SLC35F5: variants seen among roughly 807,000 people sequenced by gnomAD.
The protein encoded by SLC35F5 is HCV NS5A-transactivated protein 3.
In SLC35F5, 54 loss-of-function variants were observed where a neutral mutation model predicts 68.6. The observed-to-expected ratio is 0.79, with a 90% CI of 0.63 to 0.99. The LOEUF is 0.99. Ranked by LOEUF, SLC35F5 falls within the 50% of genes least tolerant of loss-of-function variation. The pLI is 0.00. For missense variants in SLC35F5, 567 were observed against 626.9 expected, an observed-to-expected ratio of 0.90 and a Z score of 1.02; for synonymous variants, 211 against 205.2, an observed-to-expected ratio of 1.03 and a Z score of -0.24.
At position 113,743,999 on chromosome 2, in the gene SLC35F5, T is replaced by C. The variant is rs531920674; in HGVS notation, c.481-205A>G. On this transcript the variant is annotated intron_variant, in intron 5 of 15. Coordinates refer to ENST00000245680, the MANE Select transcript of SLC35F5 (RefSeq NM_025181.5). ...GACAGAAAAGAATCAGTTTACAGTT[T>C]AGCAATGTAATGTAACAGCATTGGC... 20 of 390,708 alleles carry C rather than the reference T, an allele frequency of 5.1e-5. No individual in the cohort carries two copies. In the East Asian group the frequency reaches 7.4e-4, roughly 14 times the overall value. The allele number at this position is 390,708 out of a possible 1,614,324, so 24.2% of individuals were successfully genotyped here.
chr2:113,725,112 T>C, intron 12 of SLC35F5, among the ~76,000 whole-genome samples: 1 of 152,196 alleles, frequency 6.6e-6, no homozygotes, highest in East Asian at 1.9e-4. Flanking sequence ...TTCTAAAACA[T>C]TTTTACAGAT....
At chr2:113,726,603 CTCTG>C (rs1246678287) in intron 11 of SLC35F5, among the ~76,000 whole-genome samples, 1 of 152,304 alleles carries the variant, frequency 6.6e-6, no homozygotes, top group East Asian at 1.9e-4. Flanking sequence ...AGCACCCACT[CTCTG>C]TCTGATGCTA....
intron 5 of SLC35F5, among the ~76,000 whole-genome samples, chr2:113,744,419 TTAAACA>T (rs1241218810): frequency 6.6e-6 from 1 of 152,216 alleles, no homozygotes; most frequent in Non-Finnish European, 1.5e-5. Context: ...TCTAGAGCAG[TTAAACA>T]TATATTTCTC....
At chr2:113,719,905 T>C (rs951418425) in intron 13 of SLC35F5, among the ~76,000 whole-genome samples, 1 of 151,852 alleles carries the variant, frequency 6.6e-6, no homozygotes, top group African/African-American at 2.4e-5. Context: ...ATATTTTTAC[T>C]AAGGAATGTT....
At position 113,731,241 on chromosome 2, in the gene SLC35F5, T is replaced by A. The variant is rs1687873436; in HGVS notation, c.985+343A>T. On this transcript the variant is annotated intron_variant, in intron 10 of 15. Transcript: ENST00000245680. The stretch of plus-strand genomic sequence containing the variant: ...AAAGGAAACTAAGGAAACACGACAA[T>A]TAAATGCAATAAATGATCCTAGATC... 1.3e-5 allele frequency among the ~76,000 whole-genome samples: 2 copies of A among 151,988 alleles called. 1 individual carries two copies. Among genetic ancestry groups the A allele is most frequent in the South Asian group, 4.1e-4 (2 of 4,822 alleles).
Position 113,713,854 on chromosome 2 carries a change from G to A in SLC35F5, c.*1364C>T. ...TAGAAGTTCTCAGAATGAAACAAAA[G>A]GAAGGCTAAACTTCATTTTAGACTC... On this transcript the variant is annotated 3_prime_UTR_variant, in exon 16 of 16. Transcript: ENST00000245680. 1 of 151,126 alleles carries A rather than the reference G, an allele frequency of 6.6e-6. No individual in the cohort carries two copies. The highest frequency in any genetic ancestry group is 2.1e-4 in the South Asian group (1 of 4,800). 9.4% of individuals were successfully genotyped at this position (151,126 alleles called of 1,614,324 possible). A position where few individuals can be genotyped will look rare whatever the true frequency, so the allele number is the denominator to read the frequency against.
intron 7 of SLC35F5, among the ~76,000 whole-genome samples, chr2:113,736,898 A>G (rs181538127): frequency 2.1e-3 from 314 of 152,346 alleles, no homozygotes; most frequent in Non-Finnish European, 3.4e-3. Context: ...TCCAAAGTTC[A>G]GTAATTTTCA....
rs993483276 is a variant in SLC35F5 at position 113,712,312 on chromosome 2, A to G, written c.*2906T>C. On this transcript the variant is annotated 3_prime_UTR_variant, in exon 16 of 16. Coordinates refer to ENST00000245680, the MANE Select transcript of SLC35F5 (RefSeq NM_025181.5). Reference sequence around the variant, plus strand: ...CTAAGCTTCAAAAAGCATTCATTTCAAAAGTATTCACTTTTTTTTTTTTTG... The same window carrying G: ...CTAAGCTTCAAAAAGCATTCATTTCGAAAGTATTCACTTTTTTTTTTTTTG... Among the ~76,000 whole-genome samples, 8 of 143,894 alleles carry G rather than the reference A, an allele frequency of 5.6e-5. No individual in the cohort carries two copies. Among genetic ancestry groups the G allele is most frequent in the Admixed American group, 2.8e-4 (4 of 14,138 alleles). The allele number at this position is 143,894 out of a possible 152,430, so 94.4% of individuals were successfully genotyped here.
chr2:113,727,428 G>A (rs1390663785), intron 11 of SLC35F5, among the ~76,000 whole-genome samples: 1 of 152,124 alleles, frequency 6.6e-6, no homozygotes, highest in African/African-American at 2.4e-5. Context: ...TTACAAAGTT[G>A]TTTTAATGAA....
chr2:113,702,754 G>T (rs1686721462), downstream of SLC35F5, among the ~76,000 whole-genome samples: 1 of 152,002 alleles, frequency 6.6e-6, no homozygotes, highest in African/African-American at 2.4e-5. Flanking sequence ...TACTCATTGG[G>T]GAAGCAAAAT....
In SLC35F5 at chr2:113,708,773, C is replaced by A. The variant is rs1457611377; in HGVS notation, c.*6445G>T. On this transcript the variant is annotated 3_prime_UTR_variant, in exon 16 of 16. Coordinates refer to ENST00000245680, the MANE Select transcript of SLC35F5 (RefSeq NM_025181.5). ...TGCTATAGTAAATTAATCATACACT[C>A]AAAATTTTAGCTTGGATTTGTTTTG... is the stretch of plus-strand genomic sequence containing the variant. Among the ~76,000 whole-genome samples the A allele has an allele frequency of 6.6e-6, 1 of 152,080 alleles. No homozygotes were observed. The highest frequency in any genetic ancestry group is 1.5e-5 in the Non-Finnish European group (1 of 67,988).
At position 113,709,897 on chromosome 2, in the gene SLC35F5, G is replaced by C. The variant is rs368222363; in HGVS notation, c.*5321C>G. 2.0e-5 allele frequency among the ~76,000 whole-genome samples: 3 copies of C among 152,186 alleles called. No individual in the cohort carries two copies. The highest frequency in any genetic ancestry group is 4.4e-5 in the Non-Finnish European group (3 of 67,994). On this transcript the variant is annotated 3_prime_UTR_variant, in exon 16 of 16. Coordinates refer to ENST00000245680, the MANE Select transcript of SLC35F5 (RefSeq NM_025181.5). ...CCCAATAATAACTCACTGCAGCCTC[G>C]AACTCCTGGGTTCAAGTGATCCTCC... is the stretch of plus-strand genomic sequence containing the variant.
Position 113,734,897 on chromosome 2 carries a change from T to C in SLC35F5, c.833-224A>G, listed in dbSNP as rs1303452453. ...AACTAAACCATGTTTATTTCAACAGTACAGATCAAGTACAGTCCTATTTAT... is the reference window on the plus strand; with the variant it reads ...AACTAAACCATGTTTATTTCAACAGCACAGATCAAGTACAGTCCTATTTAT... On this transcript the variant is annotated intron_variant, in intron 8 of 15. Coordinates refer to ENST00000245680, the MANE Select transcript of SLC35F5 (RefSeq NM_025181.5). 3.9e-5 allele frequency among the ~76,000 whole-genome samples: 6 copies of C among 152,206 alleles called. No individual in the cohort carries two copies. In the East Asian group the frequency reaches 7.7e-4, roughly 20 times the overall value.
chr2:113,719,193 C>A lies in SLC35F5; in HGVS notation c.1457G>T (p.Arg486Ile). 6.2e-7 allele frequency: 1 copy of A among 1,606,990 alleles called. No individual in the cohort carries two copies. Among genetic ancestry groups the A allele is most frequent in the Non-Finnish European group, 8.5e-7 (1 of 1,178,578 alleles). The change falls in exon 14 of 16, where the codon AGA becomes ATA. Residue 486 changes from arginine (R) to isoleucine (I), a missense_variant. By Grantham distance (97) the Arg-to-Ile change is moderately conservative. Transcript: ENST00000245680. The stretch of plus-strand genomic sequence containing the variant: ...TTTTCTGCATATAAAAGCAAATATT[C>A]TTCTGATTCCCACCATCACAGGATC... ...NWDPVMVGIR[R>I]IFAFICRKHR...
intron 4 of SLC35F5, among the ~76,000 whole-genome samples, chr2:113,748,307 AG>A (rs34079650): frequency 0.14 from 21,715 of 151,948 alleles, 1,674 homozygotes; most frequent in African/African-American, 0.19. Flanking sequence ...CCGGGATTAC[AG>A]GAGTGCACCA....
At chr2:113,731,495 AC>A in intron 10 of SLC35F5, 88 bp downstream of exon 10, 1 of 940,608 alleles carries the variant, frequency 1.1e-6, no homozygotes, top group Non-Finnish European at 1.7e-6. Flanking sequence ...GCTAGTGCCT[AC>A]CCTTTGTGCG....
intron 3 of SLC35F5, among the ~76,000 whole-genome samples, chr2:113,754,934 T>C (rs1405527236): frequency 2.1e-5 from 3 of 142,030 alleles, no homozygotes; most frequent in Admixed American, 1.4e-4. Flanking sequence ...ATGCATAGTC[T>C]CTCTAAGTAA....
At chr2:113,726,796 C>T (rs1025233337) in intron 11 of SLC35F5, among the ~76,000 whole-genome samples, 2 of 152,206 alleles carry the variant, frequency 1.3e-5, no homozygotes, top group African/African-American at 2.4e-5. Flanking sequence ...CTCTGCTCCC[C>T]GCCTCAGTAC....
intron 8 of SLC35F5, among the ~76,000 whole-genome samples, 185 bp downstream of exon 8, chr2:113,735,592 A>G (rs529450400): frequency 1.3e-5 from 2 of 152,366 alleles, no homozygotes; most frequent in East Asian, 3.9e-4. Context: ...AGTCTGTTGT[A>G]GACTGAAACA....
Sources: allele counts gnomAD v4.1 joint callset (sites outside exome capture counted in the v4.1 genomes callset), GRCh38; gene constraint gnomAD v4.1.1; transcripts MANE v1.5; gene names NCBI Gene and HGNC (gene_info 2026-07-23, HGNC 2026-07-21).